Variants in SPARCL1 observed in about 807,000 individuals in gnomAD.
SPARCL1 encodes the protein SPARC-like protein 1.
A neutral mutation model predicts 67.1 loss-of-function variants in SPARCL1; 52 were observed. That is an observed-to-expected ratio of 0.78 (90% CI 0.62 to 0.98). The LOEUF is 0.98. Ranked by LOEUF, SPARCL1 falls within the 50% of genes least tolerant of loss-of-function variation. The pLI, the probability that SPARCL1 is intolerant of heterozygous loss-of-function variation, is 0.00. For missense variants in SPARCL1, 717 were observed against 782.4 expected (o/e 0.92, Z 1.00); for synonymous variants, 226 against 267.8 (o/e 0.84, Z 1.52).
At position 87,497,127 on chromosome 4, in the gene SPARCL1, C is replaced by T. The variant is rs187274496; in HGVS notation, c.55-2000G>A. The T allele has an allele frequency of 1.7e-5, 12 of 707,330 alleles. No homozygotes were observed. In the East Asian group the frequency reaches 1.3e-3, roughly 79 times the overall value. 43.8% of individuals were successfully genotyped at this position (707,330 alleles called of 1,614,324 possible). ...AAACTCCTGGCCTCAAGTGATCTGC[C>T]CACCTTGGCCTCCCAAAGTGCTGGG... On this transcript the variant is annotated intron_variant, in intron 2 of 10. Coordinates refer to ENST00000282470, the MANE Select transcript of SPARCL1 (RefSeq NM_004684.6).
Position 87,494,334 on chromosome 4 carries a change from T to G in SPARCL1, c.466A>C (p.Ser156Arg). 1 of 1,614,226 alleles carries G rather than the reference T, an allele frequency of 6.2e-7. No homozygotes were observed. The highest frequency in any genetic ancestry group is 8.5e-7 in the Non-Finnish European group (1 of 1,180,034). ...TGGTTTTCCTCTCTCTTTGTGATAC[T>G]TTCTTGTTGGTTAGAATCTGTGAAG... ...SSFTDSNQQE[S>R]ITKREENQEQ... Residue 156 changes from serine (S) to arginine (R), a missense_variant, in exon 4 of 11, where the codon AGT becomes CGT. Physicochemically the swap from Ser to Arg is moderately radical, Grantham distance 110 (BLOSUM62 -1). Transcript: ENST00000282470.
intron 1 of SPARCL1, among the ~76,000 whole-genome samples, chr4:87,511,626 AAG>A (rs958752294): frequency 3.3e-5 from 5 of 152,230 alleles, no homozygotes; most frequent in Non-Finnish European, 7.3e-5. Flanking sequence ...TGAGAGAAAG[AAG>A]AGTCACATGA....
At chr4:87,498,652 A>C (rs969407365) in intron 2 of SPARCL1, among the ~76,000 whole-genome samples, 1 of 152,176 alleles carries the variant, frequency 6.6e-6, no homozygotes, top group Non-Finnish European at 1.5e-5. Flanking sequence ...AAATGGGGCC[A>C]ATATATCTGA....
At chr4:87,494,952 T>G (rs1189266939) in intron 3 of SPARCL1, 29 bp downstream of exon 3, 1 of 1,552,498 alleles carries the variant, frequency 6.4e-7, no homozygotes, top group East Asian at 2.3e-5. Context: ...ATTAAAAAAT[T>G]GTATTAATAT....
chr4:87,511,549 CAG>C (rs1309442888), intron 1 of SPARCL1, among the ~76,000 whole-genome samples: 1 of 152,052 alleles, frequency 6.6e-6, no homozygotes, highest in Non-Finnish European at 1.5e-5. Flanking sequence ...GAGCTGGAGC[CAG>C]AACCCTGGGG....
intron 1 of SPARCL1, among the ~76,000 whole-genome samples, chr4:87,521,866 G>A (rs368908950): frequency 1.3e-5 from 2 of 152,298 alleles, no homozygotes; most frequent in East Asian, 1.9e-4. Flanking sequence ...GAGGAAGCCT[G>A]TAGACTGCTA....
At chr4:87,514,309 T>C (rs533569925) in intron 1 of SPARCL1, among the ~76,000 whole-genome samples, 1 of 152,220 alleles carries the variant, frequency 6.6e-6, no homozygotes, top group Non-Finnish European at 1.5e-5. Context: ...CGTAGCTGTA[T>C]GGAAGATATT....
At chr4:87,509,454 A>G (rs1232700674) in intron 1 of SPARCL1, among the ~76,000 whole-genome samples, 4 of 152,194 alleles carry the variant, frequency 2.6e-5, no homozygotes, top group African/African-American at 9.7e-5. Flanking sequence ...TAACTACTGT[A>G]TAGAGATGAC....
chr4:87,505,272 T>C (rs1725028051), intron 1 of SPARCL1, among the ~76,000 whole-genome samples: 1 of 152,154 alleles, frequency 6.6e-6, no homozygotes, highest in Admixed American at 6.5e-5. Context: ...TGCTATCTTT[T>C]CCCCTTAAAC....
chr4:87,515,953 A>C (rs540306635), intron 1 of SPARCL1, among the ~76,000 whole-genome samples: 1 of 152,138 alleles, frequency 6.6e-6, no homozygotes, highest in Non-Finnish European at 1.5e-5. Context: ...TGAGAGGTGG[A>C]GTCTAATTCT....
At chr4:87,476,638 T>C (rs1166248255) in intron 10 of SPARCL1, among the ~76,000 whole-genome samples, 2 of 152,212 alleles carry the variant, frequency 1.3e-5, no homozygotes, top group Admixed American at 1.3e-4. Flanking sequence ...TTCTGACGAT[T>C]AGCATGGGTA....
rs1724489804 is a variant in SPARCL1, at chr4:87,494,022, C to T, written c.778G>A (p.Glu260Lys). Residue 260 changes from glutamate to lysine, a missense_variant, in exon 4 of 11, where the codon GAA becomes AAA. Coordinates refer to ENST00000282470, the MANE Select transcript of SPARCL1 (RefSeq NM_004684.6). ...TGTTCTTGGTTACCCTGATCAAATT[C>T]ATCCTCCTGCATCTTGCTTACTTGA... ...PTQVSKMQED[E>K]FDQGNQEQED... 1 of 1,613,994 alleles carries T rather than the reference C, an allele frequency of 6.2e-7. No homozygotes were observed. The highest frequency in any genetic ancestry group is 1.1e-5 in the South Asian group (1 of 91,076).
At chr4:87,486,916 T>TTTTTTTTTTTTTTTTC (rs1724094363) in intron 7 of SPARCL1, among the ~76,000 whole-genome samples, 1 of 76,986 alleles carries the variant, frequency 1.3e-5, no homozygotes, top group African/African-American at 4.8e-5. Flanking sequence ...TTTTTTTTTT[T>TTTTTTTTTTTTTTTTC]TTTTTTTTTT....
chr4:87,478,312 A>G (rs550641241), intron 10 of SPARCL1, among the ~76,000 whole-genome samples: 1 of 152,280 alleles, frequency 6.6e-6, no homozygotes, highest in Admixed American at 6.5e-5. Flanking sequence ...TAAAATATAT[A>G]TACCTTGTGG....
chr4:87,501,784 G>A (rs1724862188), intron 1 of SPARCL1, among the ~76,000 whole-genome samples: 4 of 152,016 alleles, frequency 2.6e-5, no homozygotes, highest in Admixed American at 2.6e-4. Flanking sequence ...AGCATTTTAT[G>A]TGTTAGTTCC....
Position 87,499,583 on chromosome 4 carries a change from G to A in SPARCL1, c.-9C>T. 1.9e-6 allele frequency: 3 copies of A among 1,585,642 alleles called. No homozygotes were observed. The highest frequency in any genetic ancestry group is 2.6e-6 in the Non-Finnish European group (3 of 1,172,280). ...AAAAGCCCAGTCTTCATGCTTTCCAGATCTGTGAACCAAGAAGATAATTAT... is the reference window on the plus strand; with the variant it reads ...AAAAGCCCAGTCTTCATGCTTTCCAAATCTGTGAACCAAGAAGATAATTAT... On this transcript the variant is annotated splice_region_variant and 5_prime_UTR_variant, in exon 2 of 11. Coordinates refer to ENST00000282470, the MANE Select transcript of SPARCL1 (RefSeq NM_004684.6).
chr4:87,517,809 G>T lies in SPARCL1; in HGVS notation c.-12+11236C>A, dbSNP rs182345840. On this transcript the variant is annotated intron_variant, in intron 1 of 10. Coordinates refer to ENST00000282470, the MANE Select transcript of SPARCL1 (RefSeq NM_004684.6). ...TGGACCAAGAATTATTTATTGGGGG[G>T]TAGTTCTCTTCTAGGATTAAGAAAA... Among the ~76,000 whole-genome samples the T allele has an allele frequency of 9.6e-4, 146 of 152,262 alleles. 1 individual carries two copies. Among genetic ancestry groups the T allele is most frequent in the African/African-American group, 3.4e-3 (141 of 41,544 alleles).
intron 1 of SPARCL1, among the ~76,000 whole-genome samples, chr4:87,511,456 G>A (rs1243148967): frequency 6.6e-6 from 1 of 152,162 alleles, no homozygotes; most frequent in Non-Finnish European, 1.5e-5. Context: ...GGGTAGATAG[G>A]TCTGGAGGTA....
intron 8 of SPARCL1, 124 bp from the exon 9 acceptor site, chr4:87,480,644 T>C: frequency 1.2e-6 from 1 of 803,170 alleles, no homozygotes; most frequent in Non-Finnish European, 1.9e-6. Context: ...CAGGACATCA[T>C]GTGCAACTAA....
Sources: allele counts gnomAD v4.1 joint callset (sites outside exome capture counted in the v4.1 genomes callset), GRCh38; gene constraint gnomAD v4.1.1; transcripts MANE v1.5; gene names NCBI Gene and HGNC (gene_info 2026-07-23, HGNC 2026-07-21).